DNTT: variants seen among roughly 807,000 people sequenced by gnomAD.
DNTT encodes nucleosidetriphosphate:DNA deoxynucleotidylexotransferase.
A neutral mutation model predicts 60.9 loss-of-function variants in DNTT; 47 were observed. The ratio of observed to expected loss-of-function variants is 0.77; its 90% CI spans 0.61 to 0.98. DNTT has a LOEUF of 0.98. Among genes scored for constraint, DNTT ranks in the 50% least tolerant of loss-of-function variants. The pLI, the probability that DNTT is intolerant of heterozygous loss-of-function variation, is 0.00. For synonymous variants in DNTT, 224 were observed against 221.2 expected (o/e 1.01, Z -0.11); for missense variants, 665 against 627.5 (o/e 1.06, Z -0.64).
At chr10:96,336,540 T>A (rs1354935585) in intron 10 of DNTT, among the ~76,000 whole-genome samples, 2 of 152,202 alleles carry the variant, frequency 1.3e-5, no homozygotes, top group African/African-American at 4.8e-5. Context: ...CTGTAGAAGT[T>A]AGAAGAGTTA....
chr10:96,319,466 A>G, intron 3 of DNTT, 76 bp downstream of exon 3: 1 of 1,586,422 alleles, frequency 6.3e-7, no homozygotes, highest in South Asian at 1.1e-5. Context: ...AAATTAAATT[A>G]TAAATTTTTC....
intron 8 of DNTT, among the ~76,000 whole-genome samples, chr10:96,329,552 T>C (rs1025663304): frequency 2.6e-5 from 4 of 152,204 alleles, no homozygotes; most frequent in African/African-American, 9.6e-5. Flanking sequence ...TCCTCCTTCC[T>C]GAGTAGTTTG....
At chr10:96,311,971 C>G (rs1255832869) in intron 1 of DNTT, among the ~76,000 whole-genome samples, 1 of 152,226 alleles carries the variant, frequency 6.6e-6, no homozygotes, top group Admixed American at 6.5e-5. Context: ...TGTCCCTAAA[C>G]TGACTCATTT....
chr10:96,309,544 T>C (rs1844683899), intron 1 of DNTT, among the ~76,000 whole-genome samples: 2 of 152,224 alleles, frequency 1.3e-5, no homozygotes, highest in Non-Finnish European at 2.9e-5. Context: ...TAGTTTTATC[T>C]AAACTGGCTG....
At position 96,320,776 on chromosome 10, in the gene DNTT, G is replaced by T; in HGVS notation, c.666G>T (p.Lys222Asn). 6.2e-7 allele frequency: 1 copy of T among 1,613,646 alleles called. No individual in the cohort carries two copies. The highest frequency in any genetic ancestry group is 1.1e-5 in the South Asian group (1 of 91,030). Residue 222 changes from lysine (K) to asparagine (N), a missense_variant, in exon 4 of 11, where the codon AAG becomes AAT. Transcript: ENST00000371174. ...TTCCCTGCCTGGGGTCCAAGGTGAA[G>T]GGTATCATAGAGGTAAGGGTGAAAT... is the stretch of plus-strand genomic sequence containing the variant. ...EGIPCLGSKV[K>N]GIIEEIIEDG...
intron 3 of DNTT, 56 bp downstream of exon 3, chr10:96,319,446 T>G (rs1397750642): frequency 6.3e-7 from 1 of 1,589,470 alleles, no homozygotes; most frequent in Non-Finnish European, 8.5e-7. Flanking sequence ...AGCTTCTTTC[T>G]GTGGACCGCA....
chr10:96,304,774 T>C (rs2133980347), intron 1 of DNTT, 74 bp downstream of exon 1: 1 of 1,496,742 alleles, frequency 6.7e-7, no homozygotes, highest in East Asian at 2.4e-5. Context: ...CCAAGGAACC[T>C]GTGTTTTCTT....
At chr10:96,333,908 C>T (rs1034444897) in intron 9 of DNTT, among the ~76,000 whole-genome samples, 4 of 152,124 alleles carry the variant, frequency 2.6e-5, no homozygotes, top group African/African-American at 9.7e-5. Flanking sequence ...TGTTCTATTG[C>T]ACAGTATGGT....
chr10:96,322,854 C>T, intron 5 of DNTT, 126 bp downstream of exon 5: 3 of 671,272 alleles, frequency 4.5e-6, no homozygotes, highest in Non-Finnish European at 7.3e-6. Context: ...GCTTAAACAA[C>T]AGAAATTTAT....
At chr10:96,313,103 G>T (rs148179655) in intron 1 of DNTT, among the ~76,000 whole-genome samples, 1 of 152,168 alleles carries the variant, frequency 6.6e-6, no homozygotes, top group Non-Finnish European at 1.5e-5. Context: ...ACCAATGCCA[G>T]TTCTCTCAGA....
chr10:96,304,605 C>T lies in DNTT; in HGVS notation c.108C>T (p.Val36=), dbSNP rs759974651. The part of the protein sequence containing the change: ...SPQDIKFQDL[V]VFILEKKMGT... ...AAGACATCAAATTTCAAGATTTGGT[C>T]GTCTTCATTTTGGAGAAGAAAATGG... The change falls in exon 1 of 11, where the codon GTC becomes GTT. Residue 36 remains valine (V), a synonymous_variant. Transcript: ENST00000371174. The T allele has an allele frequency of 8.7e-6, 14 of 1,614,092 alleles. No individual in the cohort carries two copies. Among genetic ancestry groups the T allele is most frequent in the Middle Eastern group, 1.7e-4 (1 of 6,056 alleles).
At chr10:96,312,428 T>C (rs962556175) in intron 1 of DNTT, among the ~76,000 whole-genome samples, 1 of 152,146 alleles carries the variant, frequency 6.6e-6, no homozygotes, top group Non-Finnish European at 1.5e-5. Context: ...CAGAGCCTCA[T>C]GTAAGACATT....
chr10:96,311,834 G>A (rs954885342), intron 1 of DNTT, among the ~76,000 whole-genome samples: 5 of 152,060 alleles, frequency 3.3e-5, no homozygotes, highest in African/African-American at 4.8e-5. Flanking sequence ...AGTAGAGACG[G>A]GGTTTCACCA....
chr10:96,329,076 CT>C (rs1844974492), intron 8 of DNTT, among the ~76,000 whole-genome samples: 1 of 152,192 alleles, frequency 6.6e-6, no homozygotes, highest in African/African-American at 2.4e-5. Flanking sequence ...CCAAGGGTGG[CT>C]ATGCATTTGT....
At chr10:96,331,061 G>T (rs1356716700) in intron 8 of DNTT, among the ~76,000 whole-genome samples, 1 of 152,010 alleles carries the variant, frequency 6.6e-6, no homozygotes, top group East Asian at 1.9e-4. Context: ...ATGGCAACTC[G>T]ATTGGGCACA....
chr10:96,325,542 G>A (rs1589374572), intron 6 of DNTT, among the ~76,000 whole-genome samples: 1 of 152,200 alleles, frequency 6.6e-6, no homozygotes, highest in African/African-American at 2.4e-5. Flanking sequence ...GTGCTCTCAG[G>A]ATCTAAGGGC....
At chr10:96,327,326 T>A in intron 6 of DNTT, 142 bp from the exon 7 acceptor site, 1 of 1,249,068 alleles carries the variant, frequency 8.0e-7, no homozygotes, top group Non-Finnish European at 1.2e-6. Flanking sequence ...CATGGACTAT[T>A]CTGTCTCTGT....
At chr10:96,322,521 C>G (rs191021810) in intron 4 of DNTT, 136 bp from the exon 5 acceptor site, 1 of 524,184 alleles carries the variant, frequency 1.9e-6, no homozygotes, top group Non-Finnish European at 3.3e-6. Flanking sequence ...TTCTCCAGAT[C>G]AATTAGGGAA....
chr10:96,309,345 C>G (rs562501034), intron 1 of DNTT, among the ~76,000 whole-genome samples: 1 of 151,988 alleles, frequency 6.6e-6, no homozygotes, highest in African/African-American at 2.4e-5. Context: ...TAGTGGAAGA[C>G]ATGAGTCCTG....
Sources: gnomAD v4.1 joint callset for allele counts (sites outside exome capture counted in the v4.1 genomes callset) on GRCh38, gnomAD v4.1.1 for gene constraint, MANE v1.5 for transcripts, NCBI Gene and HGNC (gene_info 2026-07-23, HGNC 2026-07-21) for gene names.